MITF: variants seen among roughly 807,000 people sequenced by gnomAD.
MITF encodes melanocyte inducing transcription factor.
A neutral mutation model predicts 60.5 loss-of-function variants in MITF; 17 were observed. The ratio of observed to expected loss-of-function variants is 0.28; its 90% CI spans 0.19 to 0.42. The LOEUF (loss-of-function observed/expected upper bound fraction) is 0.42. MITF is among the 10% of genes least tolerant of loss of function. MITF has a pLI of 1.00. For missense variants in MITF, 622 were observed against 683.5 expected, an observed-to-expected ratio of 0.91 and a Z score of 1.00; for synonymous variants, 260 against 248.5, an observed-to-expected ratio of 1.05 and a Z score of -0.43.
chr3:69,833,610 T>C lies in MITF; in HGVS notation c.105-45524T>C, dbSNP rs1246313828. 4.6e-5 allele frequency among the ~76,000 whole-genome samples: 7 copies of C among 151,578 alleles called. No homozygotes were observed. The East Asian group carries it at 1.4e-3, about 30-fold the overall frequency. On this transcript the variant is annotated intron_variant, in intron 1 of 9. Coordinates refer to ENST00000352241, the MANE Select transcript of MITF (RefSeq NM_001354604.2). The stretch of plus-strand genomic sequence containing the variant: ...CACTGTATGTGGTTGTTTTTCTGTT[T>C]ACATTACACTGTATGTGGTTGTTTT...
chr3:69,842,678 T>C (rs1472818502), intron 1 of MITF, among the ~76,000 whole-genome samples: 1 of 152,182 alleles, frequency 6.6e-6, no homozygotes, highest in Non-Finnish European at 1.5e-5. Context: ...ACCAAAATTC[T>C]TGGGGGATAT....
At chr3:69,935,416 T>C (rs2065810522) in intron 2 of MITF, among the ~76,000 whole-genome samples, 1 of 152,210 alleles carries the variant, frequency 6.6e-6, no homozygotes, top group South Asian at 2.1e-4. Context: ...GAATCTCTTT[T>C]CTTTTTAAGT....
At chr3:69,875,714 A>G (rs1330469196) in intron 1 of MITF, among the ~76,000 whole-genome samples, 7 of 152,260 alleles carry the variant, frequency 4.6e-5, no homozygotes, top group African/African-American at 1.7e-4. Context: ...AGCTTAAGAC[A>G]TTATGCTCAT....
chr3:69,801,974 G>T (rs973452350), intron 1 of MITF, among the ~76,000 whole-genome samples: 6 of 152,010 alleles, frequency 3.9e-5, no homozygotes, highest in African/African-American at 1.5e-4. Flanking sequence ...CAATAAACAT[G>T]GGTCTTATTA....
chr3:69,905,237 C>T (rs2065072170), intron 2 of MITF, among the ~76,000 whole-genome samples: 1 of 152,042 alleles, frequency 6.6e-6, no homozygotes, highest in African/African-American at 2.4e-5. Context: ...TTTGTAGTTT[C>T]TTGGGAGAGA....
chr3:69,794,764 C>T (rs942569716), intron 1 of MITF, among the ~76,000 whole-genome samples: 11 of 152,218 alleles, frequency 7.2e-5, no homozygotes, highest in African/African-American at 2.7e-4. Context: ...CCATCTTAGC[C>T]AGTAAGCACT....
chr3:69,884,874 A>C (rs1455690884), intron 2 of MITF, among the ~76,000 whole-genome samples: 7 of 152,144 alleles, frequency 4.6e-5, no homozygotes, highest in Admixed American at 4.6e-4. Context: ...GAGCAGACCG[A>C]TGAGACCAAC....
At chr3:69,886,107 C>T (rs2064610923) in intron 2 of MITF, among the ~76,000 whole-genome samples, 1 of 152,070 alleles carries the variant, frequency 6.6e-6, no homozygotes, top group African/African-American at 2.4e-5. Flanking sequence ...GGTAATACCT[C>T]TCCTGGAGGG....
intron 1 of MITF, among the ~76,000 whole-genome samples, chr3:69,811,754 T>G (rs59487570): frequency 0.16 from 25,040 of 152,100 alleles, 2,227 homozygotes; most frequent in Non-Finnish European, 0.21. Context: ...ACAAGGAAGG[T>G]ATGGGAGAGC....
At chr3:69,941,099 A>G in intron 4 of MITF, 137 bp from the exon 5 acceptor site, 1 of 628,880 alleles carries the variant, frequency 1.6e-6, no homozygotes, top group South Asian at 1.9e-5. Flanking sequence ...ATTTTAGTGG[A>G]AAGAGGACAG....
At chr3:69,757,682 T>A (rs1274239657) in intron 1 of MITF, among the ~76,000 whole-genome samples, 2 of 152,200 alleles carry the variant, frequency 1.3e-5, no homozygotes, top group Non-Finnish European at 2.9e-5. Context: ...ATTTTCAGAA[T>A]AGATATATTT....
chr3:69,940,071 A>G (rs990094618), intron 4 of MITF, among the ~76,000 whole-genome samples: 14 of 152,186 alleles, frequency 9.2e-5, no homozygotes, highest in Admixed American at 3.3e-4. Flanking sequence ...AGTGTTTACT[A>G]TGTTCCTGGT....
intron 5 of MITF, among the ~76,000 whole-genome samples, chr3:69,941,804 G>T (rs1259254375): frequency 6.6e-6 from 1 of 152,122 alleles, no homozygotes; most frequent in Non-Finnish European, 1.5e-5. Flanking sequence ...TAAACAAGTG[G>T]TCCTATTTGC....
intron 1 of MITF, among the ~76,000 whole-genome samples, chr3:69,742,336 A>T (rs913703194): frequency 1.3e-5 from 2 of 152,172 alleles, no homozygotes; most frequent in African/African-American, 4.8e-5. Context: ...CAGCCCCCAC[A>T]ACAAAGGATT....
chr3:69,742,450 T>G (rs1392315977), intron 1 of MITF, among the ~76,000 whole-genome samples: 1 of 152,160 alleles, frequency 6.6e-6, no homozygotes, highest in Non-Finnish European at 1.5e-5. Flanking sequence ...TGGCTCCTAA[T>G]TTCTCCCAGT....
chr3:69,771,942 A>G (rs940717998), intron 1 of MITF, among the ~76,000 whole-genome samples: 1 of 152,246 alleles, frequency 6.6e-6, no homozygotes, highest in African/African-American at 2.4e-5. Flanking sequence ...GTGTTGGGCT[A>G]TAAAGCTCTA....
At chr3:69,825,719 G>A (rs757397084) in intron 1 of MITF, among the ~76,000 whole-genome samples, 12 of 152,134 alleles carry the variant, frequency 7.9e-5, no homozygotes, top group Non-Finnish European at 1.5e-4. Context: ...AGAATAAGGT[G>A]CCTTGAGGAT....
intron 2 of MITF, among the ~76,000 whole-genome samples, chr3:69,898,364 T>A (rs1229757404): frequency 1.3e-5 from 2 of 152,136 alleles, no homozygotes; most frequent in African/African-American, 4.8e-5. Flanking sequence ...GCAAAGGGGA[T>A]CATGGTAAGG....
At chr3:69,910,432 G>T (rs575727676) in intron 2 of MITF, among the ~76,000 whole-genome samples, 1 of 152,308 alleles carries the variant, frequency 6.6e-6, no homozygotes, top group Admixed American at 6.5e-5. Flanking sequence ...GTGGAGCTGT[G>T]AGAAGAGGGC....
Sources: allele counts gnomAD v4.1 joint callset (sites outside exome capture counted in the v4.1 genomes callset), GRCh38; gene constraint gnomAD v4.1.1; transcripts MANE v1.5; gene names NCBI Gene and HGNC (gene_info 2026-07-23, HGNC 2026-07-21).